The following HTR7 variants were observed in gnomAD, a reference collection of about 807,000 sequenced individuals.
HTR7 encodes 5-hydroxytryptamine receptor 7, also known as 5-HT-7.
A neutral mutation model predicts 34.0 loss-of-function variants in HTR7; 16 were observed. That is an observed-to-expected ratio of 0.47 (90% confidence interval 0.32 to 0.71). The LOEUF is 0.71. Among genes scored for constraint, HTR7 ranks in the 30% least tolerant of loss-of-function variants. HTR7 has a pLI of 0.04. For missense variants in HTR7, 504 were observed against 625.5 expected, an observed-to-expected ratio of 0.81 and a Z score of 2.07; for synonymous variants, 265 against 260.2, an observed-to-expected ratio of 1.02 and a Z score of -0.18.
intron 1 of HTR7, among the ~76,000 whole-genome samples, chr10:90,806,815 G>A (rs1226290940): frequency 6.6e-6 from 1 of 151,872 alleles, no homozygotes; most frequent in African/African-American, 2.4e-5. Flanking sequence ...AGAGTGTGCT[G>A]GGCTGGGCCT....
intron 1 of HTR7, among the ~76,000 whole-genome samples, chr10:90,774,846 T>C (rs1453207230): frequency 6.6e-6 from 1 of 152,160 alleles, no homozygotes; most frequent in Admixed American, 6.5e-5. Context: ...AAGATGGCCT[T>C]TTCAGCCCTC....
intron 1 of HTR7, among the ~76,000 whole-genome samples, chr10:90,847,852 A>G (rs1458119733): frequency 6.6e-6 from 1 of 152,236 alleles, no homozygotes; most frequent in South Asian, 2.1e-4. Context: ...ACCTCAAGAG[A>G]TGTATCAAAT....
At chr10:90,782,181 A>C (rs1015001642) in intron 1 of HTR7, among the ~76,000 whole-genome samples, 2 of 152,052 alleles carry the variant, frequency 1.3e-5, no homozygotes, top group African/African-American at 4.8e-5. Context: ...AATGCCCCAG[A>C]CTCCTCAGGA....
In HTR7 at chr10:90,857,840, ACC is replaced by A. The variant is rs1846620221; in HGVS notation, c.-171_-170del. The A allele has an allele frequency of 5.1e-6, 3 of 586,298 alleles. No individual in the cohort carries two copies. Among genetic ancestry groups the A allele is most frequent in the Non-Finnish European group, 7.4e-6 (3 of 405,862 alleles). 36.3% of individuals were successfully genotyped at this position (586,298 alleles called of 1,614,324 possible). The stretch of plus-strand genomic sequence containing the variant: ...TGTCTCGGAGCCCCGCACTCCCCGG[ACC>A]CCCGGCCGCTGCGGGTAACGCGGCA... On this transcript the variant is annotated 5_prime_UTR_variant, in exon 1 of 4. Coordinates refer to ENST00000336152, the MANE Select transcript of HTR7 (RefSeq NM_019859.4). This position sits in a 1 kb window ranked among gnomAD's most constrained non-coding sequence, Gnocchi z 6.5.
chr10:90,753,377 G>A (rs934223361), intron 1 of HTR7, among the ~76,000 whole-genome samples: 1 of 150,826 alleles, frequency 6.6e-6, no homozygotes, highest in African/African-American at 2.4e-5. Context: ...ATTTTAAAGA[G>A]AGAGAGAGAG....
chr10:90,812,464 A>C (rs1376602322), intron 1 of HTR7, among the ~76,000 whole-genome samples: 1 of 152,186 alleles, frequency 6.6e-6, no homozygotes, highest in African/African-American at 2.4e-5. Context: ...CTCTAATCAG[A>C]TGTCCTGGGT....
At chr10:90,833,639 T>C (rs1846211814) in intron 1 of HTR7, among the ~76,000 whole-genome samples, 1 of 152,210 alleles carries the variant, frequency 6.6e-6, no homozygotes, top group Non-Finnish European at 1.5e-5. Flanking sequence ...TGAGTTATCT[T>C]CCTTTTCCTT....
intron 1 of HTR7, among the ~76,000 whole-genome samples, chr10:90,844,890 C>T (rs992201330): frequency 8.6e-5 from 13 of 152,014 alleles, no homozygotes; most frequent in African/African-American, 3.1e-4. Context: ...TCTAGGGGGT[C>T]TCCCCAAGCA....
At chr10:90,845,227 G>A (rs528611095) in intron 1 of HTR7, among the ~76,000 whole-genome samples, 30 of 152,348 alleles carry the variant, frequency 2.0e-4, no homozygotes, top group Admixed American at 5.9e-4. Flanking sequence ...GCGGAAGTAA[G>A]AGCACTATTT....
At chr10:90,762,449 A>G (rs1034789659) in intron 1 of HTR7, among the ~76,000 whole-genome samples, 4 of 152,082 alleles carry the variant, frequency 2.6e-5, no homozygotes, top group Admixed American at 6.5e-5. Context: ...AAAAATGTCT[A>G]TTCAGGTCCT....
chr10:90,758,343 T>C (rs1564671861), intron 1 of HTR7, among the ~76,000 whole-genome samples: 1 of 810 alleles, frequency 1.2e-3, no homozygotes, highest in Admixed American at 0.012. Flanking sequence ...AGGCTCTGTC[T>C]CAAAAAAAAA....
At chr10:90,772,614 T>C (rs974322094) in intron 1 of HTR7, among the ~76,000 whole-genome samples, 10 of 152,238 alleles carry the variant, frequency 6.6e-5, no homozygotes, top group African/African-American at 2.2e-4. Context: ...TCTAAGTGTG[T>C]GTGTGTGGTG....
intron 1 of HTR7, among the ~76,000 whole-genome samples, chr10:90,832,233 C>G (rs1306605210): frequency 6.6e-6 from 1 of 152,172 alleles, no homozygotes; most frequent in Non-Finnish European, 1.5e-5. Context: ...GGGGGTGGCA[C>G]TCGTCGGAGA....
chr10:90,794,230 T>A (rs1210126005), intron 1 of HTR7, among the ~76,000 whole-genome samples: 2 of 152,120 alleles, frequency 1.3e-5, no homozygotes, highest in African/African-American at 4.8e-5. Flanking sequence ...CACTTCCACA[T>A]CTTGTCCCAC....
intron 1 of HTR7, among the ~76,000 whole-genome samples, chr10:90,848,012 GCCGCTCTGAT>G (rs1339858584): frequency 6.6e-6 from 1 of 150,716 alleles, no homozygotes; most frequent in African/African-American, 2.5e-5. Context: ...TTAGAAGCAT[GCCGCTCTGAT>G]CTCAGTTTTC....
In HTR7 at chr10:90,749,453, A is replaced by C. The variant is rs558516114; in HGVS notation, c.681T>G (p.Asp227Glu). The C allele has an allele frequency of 6.2e-7, 1 of 1,614,206 alleles. No homozygotes were observed. Among genetic ancestry groups the C allele is most frequent in the Non-Finnish European group, 8.5e-7 (1 of 1,180,036 alleles). ...PLFGWAQNVN[D>E]DKVCLISQDF... ...CCTGGCTGATCAAGCACACCTTATCATCATTTACATTCTGAGCCCATCCAA... is the reference window on the plus strand; with the variant it reads ...CCTGGCTGATCAAGCACACCTTATCCTCATTTACATTCTGAGCCCATCCAA... The change falls in exon 2 of 4, where the codon GAT becomes GAG. Residue 227 changes from aspartate (D) to glutamate (E), a missense_variant. By Grantham distance (45) the Asp-to-Glu change is conservative. Transcript: ENST00000336152. The surrounding 1 kb of genome is among the most constrained non-coding windows in gnomAD (Gnocchi z 4.2).
At chr10:90,744,324 A>T (rs1304522120) in intron 2 of HTR7, among the ~76,000 whole-genome samples, 1 of 150,814 alleles carries the variant, frequency 6.6e-6, no homozygotes, top group Admixed American at 6.7e-5. Flanking sequence ...TTTCTACCCT[A>T]CCATGCCTGG....
At chr10:90,832,256 G>A (rs891738931) in intron 1 of HTR7, among the ~76,000 whole-genome samples, 2 of 152,230 alleles carry the variant, frequency 1.3e-5, no homozygotes, top group Non-Finnish European at 2.9e-5. Flanking sequence ...CTCAGGCAGT[G>A]CAGGAGGCCA....
At chr10:90,841,317 T>C (rs1846325597) in intron 1 of HTR7, among the ~76,000 whole-genome samples, 1 of 152,230 alleles carries the variant, frequency 6.6e-6, no homozygotes, top group Non-Finnish European at 1.5e-5. Context: ...GTTGTATTAA[T>C]TTCTATTGGT....
Sources: gnomAD v4.1 joint callset for allele counts (sites outside exome capture counted in the v4.1 genomes callset) on GRCh38, gnomAD v4.1.1 for gene constraint, Gnocchi (gnomAD v3.1) non-coding constraint, MANE v1.5 for transcripts, NCBI Gene and HGNC (gene_info 2026-07-23, HGNC 2026-07-21) for gene names.